B3GALT1: variants seen among roughly 807,000 people sequenced by gnomAD.
The protein encoded by B3GALT1 is UDP-Gal:betaGlcNAc beta 1,3-galactosyltransferase, polypeptide 1.
A neutral mutation model predicts 23.2 loss-of-function variants in B3GALT1; 10 were observed. That is an observed-to-expected ratio of 0.43 (90% CI 0.27 to 0.73). The LOEUF is 0.73. B3GALT1 is among the 30% of genes least tolerant of loss of function. The pLI, the probability that B3GALT1 is intolerant of heterozygous loss-of-function variation, is 0.21. For synonymous variants in B3GALT1, 156 were observed against 141.5 expected (o/e 1.10, Z -0.73); for missense variants, 299 against 405.4 (o/e 0.74, Z 2.25).
chr2:167,707,364 C>T (rs552216868), intron 3 of B3GALT1, among the ~76,000 whole-genome samples: 1 of 152,276 alleles, frequency 6.6e-6, no homozygotes, highest in Non-Finnish European at 1.5e-5. Flanking sequence ...CCATAATATT[C>T]TTGGTGGTTT....
At chr2:167,501,821 G>T (rs1699852994) in intron 2 of B3GALT1, among the ~76,000 whole-genome samples, 1 of 150,382 alleles carries the variant, frequency 6.6e-6, no homozygotes, top group Non-Finnish European at 1.5e-5. Context: ...GTACCTACTT[G>T]TTTCTCGGCA....
chr2:167,307,450 C>G (rs1018443067), intron 1 of B3GALT1, among the ~76,000 whole-genome samples: 1 of 151,860 alleles, frequency 6.6e-6, no homozygotes, highest in Non-Finnish European at 1.5e-5. Context: ...TTTTGTAGTT[C>G]TATGTACTTA....
chr2:167,459,127 TGA>T (rs1336806334), intron 1 of B3GALT1, among the ~76,000 whole-genome samples: 2 of 152,196 alleles, frequency 1.3e-5, no homozygotes, highest in African/African-American at 4.8e-5. Context: ...TTAGTGTCAA[TGA>T]GAGAGTTAAT....
At chr2:167,673,413 T>A (rs889108936) in intron 3 of B3GALT1, among the ~76,000 whole-genome samples, 1 of 152,024 alleles carries the variant, frequency 6.6e-6, no homozygotes, top group Non-Finnish European at 1.5e-5. Context: ...GGTCTTGAAA[T>A]AACAGAAAAT....
chr2:167,610,910 C>CAAAAAA (rs67057122), intron 2 of B3GALT1, among the ~76,000 whole-genome samples: 6 of 91,768 alleles, frequency 6.5e-5, no homozygotes, highest in African/African-American at 8.7e-5. Flanking sequence ...TTTATTTGTA[C>CAAAAAA]AAAAAAAAAA....
intron 2 of B3GALT1, among the ~76,000 whole-genome samples, chr2:167,549,112 A>T (rs563781535): frequency 6.6e-6 from 1 of 152,342 alleles, no homozygotes; most frequent in African/African-American, 2.4e-5. Flanking sequence ...CATTACTGAC[A>T]ACACATAAAC....
At chr2:167,326,984 C>G (rs182018451) in intron 1 of B3GALT1, among the ~76,000 whole-genome samples, 2 of 152,126 alleles carry the variant, frequency 1.3e-5, no homozygotes, top group Non-Finnish European at 2.9e-5. Context: ...GCCAGGATGC[C>G]TGGCCGCAGT....
At chr2:167,672,079 G>A (rs750031432) in intron 3 of B3GALT1, among the ~76,000 whole-genome samples, 3 of 152,064 alleles carry the variant, frequency 2.0e-5, no homozygotes, top group African/African-American at 7.2e-5. Flanking sequence ...ATTTGTCATG[G>A]AAATTTTTCT....
intron 2 of B3GALT1, among the ~76,000 whole-genome samples, chr2:167,585,883 C>A (rs1684576569): frequency 1.3e-5 from 2 of 152,170 alleles, no homozygotes; most frequent in African/African-American, 2.4e-5. Context: ...TTGTCTTAAA[C>A]ATACTATTAT....
chr2:167,600,844 G>T (rs1684865345), intron 2 of B3GALT1, among the ~76,000 whole-genome samples: 1 of 151,832 alleles, frequency 6.6e-6, no homozygotes, highest in South Asian at 2.1e-4. Context: ...CTTTGGTTAT[G>T]ATGAATAATG....
intron 3 of B3GALT1, among the ~76,000 whole-genome samples, chr2:167,683,776 A>C (rs562764198): frequency 5.9e-5 from 9 of 152,114 alleles, no homozygotes; most frequent in Non-Finnish European, 1.3e-4. Context: ...CATCAAAGAC[A>C]ATCCAGCTTC....
intron 3 of B3GALT1, among the ~76,000 whole-genome samples, chr2:167,668,739 G>C (rs990333116): frequency 1.2e-4 from 19 of 152,170 alleles, no homozygotes; most frequent in Non-Finnish European, 1.0e-4. Flanking sequence ...CCCTTTCTTT[G>C]ACTAGGAAAG....
intron 2 of B3GALT1, among the ~76,000 whole-genome samples, chr2:167,548,523 C>CT (rs1218284879): frequency 6.6e-6 from 1 of 152,096 alleles, no homozygotes; most frequent in Non-Finnish European, 1.5e-5. Context: ...CCTTTTCCTC[C>CT]CTCCTGCTGC....
chr2:167,533,926 G>T (rs1683372390), intron 2 of B3GALT1, among the ~76,000 whole-genome samples: 1 of 151,774 alleles, frequency 6.6e-6, no homozygotes, highest in East Asian at 1.9e-4. Flanking sequence ...AAGGTAATGG[G>T]TTTTTTTTCC....
intron 2 of B3GALT1, among the ~76,000 whole-genome samples, chr2:167,501,135 C>T (rs938970183): frequency 3.3e-5 from 5 of 151,820 alleles, no homozygotes; most frequent in East Asian, 1.9e-4. Flanking sequence ...TTTAACTAAC[C>T]GTATAAGATG....
chr2:167,345,240 C>CT, intron 1 of B3GALT1, among the ~76,000 whole-genome samples: 1 of 151,936 alleles, frequency 6.6e-6, no homozygotes, highest in Non-Finnish European at 1.5e-5. Context: ...GCTTAGCATT[C>CT]TTATGATAGA....
chr2:167,769,033 A>C (rs184109433), intron 3 of B3GALT1, among the ~76,000 whole-genome samples: 1 of 152,212 alleles, frequency 6.6e-6, no homozygotes, highest in East Asian at 1.9e-4. Flanking sequence ...AAGGACTAAC[A>C]TAAGAAATTT....
At chr2:167,801,791 G>A (rs1276584059) in intron 3 of B3GALT1, among the ~76,000 whole-genome samples, 1 of 152,166 alleles carries the variant, frequency 6.6e-6, no homozygotes, top group Non-Finnish European at 1.5e-5. Flanking sequence ...CAACATTTGT[G>A]GGGAAAGAAT....
intron 2 of B3GALT1, among the ~76,000 whole-genome samples, chr2:167,548,126 A>G (rs1453112986): frequency 6.6e-6 from 1 of 152,208 alleles, no homozygotes; most frequent in Admixed American, 6.5e-5. Context: ...CAGTTAAATA[A>G]TTTAGCCCTC....
Sources: allele counts gnomAD v4.1 joint callset (sites outside exome capture counted in the v4.1 genomes callset), GRCh38; gene constraint gnomAD v4.1.1; transcripts MANE v1.5; gene names NCBI Gene and HGNC (gene_info 2026-07-23, HGNC 2026-07-21).